Variants in ELK3 observed in about 807,000 individuals in gnomAD.
ELK3 encodes the protein ETS domain-containing protein Elk-3.
In ELK3, 10 loss-of-function variants were observed where a neutral mutation model predicts 28.9. The ratio of observed to expected loss-of-function variants is 0.35; its 90% CI spans 0.21 to 0.59. The LOEUF is 0.59. Ranked by LOEUF, ELK3 falls within the 20% of genes least tolerant of loss-of-function variation. The probability of loss-of-function intolerance (pLI) is 0.82; values close to 1 mark genes in which losing one functional copy is unlikely to be tolerated. For missense variants in ELK3, 463 were observed against 517.3 expected, an observed-to-expected ratio of 0.90 and a Z score of 1.02; for synonymous variants, 272 against 243.5, an observed-to-expected ratio of 1.12 and a Z score of -1.09.
chr12:96,216,076 CTG>C (rs1192701604), intron 1 of ELK3, among the ~76,000 whole-genome samples: 2 of 152,348 alleles, frequency 1.3e-5, no homozygotes, highest in Middle Eastern at 3.4e-3. Flanking sequence ...CCTCTCTACT[CTG>C]TGTCTTTTGC....
intron 2 of ELK3, chr12:96,224,084 A>G (rs1951682329): frequency 6.1e-6 from 2 of 325,808 alleles, no homozygotes; most frequent in Non-Finnish European, 1.2e-5. Flanking sequence ...AATTGCTTGA[A>G]TGACACAATG....
intron 1 of ELK3, among the ~76,000 whole-genome samples, chr12:96,208,848 C>G (rs1951556273): frequency 6.6e-6 from 1 of 152,128 alleles, no homozygotes; most frequent in African/African-American, 2.4e-5. Flanking sequence ...TGTTGGAGGT[C>G]CCGGGCCAGG....
intron 3 of ELK3, 60 bp from the exon 4 acceptor site, chr12:96,259,671 T>C (rs1951978366): frequency 1.3e-6 from 2 of 1,551,660 alleles, no homozygotes. Flanking sequence ...TGCTGCTCTG[T>C]TGATCATGGC....
rs1592696450 is a variant in ELK3 at position 96,268,770 on chromosome 12, C to G, written c.*1590C>G. 6.6e-6 allele frequency: 1 copy of G among 152,270 alleles called. No homozygotes were observed. The highest frequency in any genetic ancestry group is 1.5e-5 in the Non-Finnish European group (1 of 68,024). The allele number at this position is 152,270 out of a possible 1,614,324, so 9.4% of individuals were successfully genotyped here. A position where few individuals can be genotyped will look rare whatever the true frequency, so the allele number is the denominator to read the frequency against. On this transcript the variant is annotated 3_prime_UTR_variant, in exon 5 of 5. Coordinates refer to ENST00000228741, the MANE Select transcript of ELK3 (RefSeq NM_005230.4). ...AAAAAAATCTAGACTATTGCTTTGA[C>G]ACTTAGAAATTCTGAGGTTTTTCAA...
chr12:96,238,106 CTG>C (rs1423411166), intron 2 of ELK3, among the ~76,000 whole-genome samples: 1 of 152,148 alleles, frequency 6.6e-6, no homozygotes, highest in Admixed American at 6.5e-5. Context: ...CTTCTGTAAA[CTG>C]TAAAGTAAGG....
In ELK3 at chr12:96,221,783, T is replaced by A. The variant is rs1305779891; in HGVS notation, c.-2-1782T>A. Among the ~76,000 whole-genome samples the A allele has an allele frequency of 2.6e-5, 4 of 152,196 alleles. No individual in the cohort carries two copies. In the East Asian group the frequency reaches 7.7e-4, roughly 29 times the overall value. ...AGTGAAATGACTGTCTTACAGACCATTGTGGTTAATACTGATTTCTGTAAA... is the reference window on the plus strand; with the variant it reads ...AGTGAAATGACTGTCTTACAGACCAATGTGGTTAATACTGATTTCTGTAAA... On this transcript the variant is annotated intron_variant, in intron 1 of 4. Transcript: ENST00000228741.
chr12:96,197,352 A>G lies in ELK3; in HGVS notation c.-3+2647A>G, dbSNP rs554775253. 1.5e-4 allele frequency among the ~76,000 whole-genome samples: 23 copies of G among 152,314 alleles called. 2 individuals carry two copies. The highest frequency in any genetic ancestry group is 5.5e-4 in the African/African-American group (23 of 41,570). On this transcript the variant is annotated intron_variant, in intron 1 of 4. Transcript: ENST00000228741. ...CAGGGGTGCTGCTAACCAGTCAACA[A>G]TGCACAAGAAAGAATTTTTTTTGCC...
rs535846234 is a variant in ELK3, at chr12:96,216,615, A to G, written c.-2-6950A>G. ...AATGCCTTCTAGCCTGGTGAAGGCC[A>G]TGTGACTCCACAGCAAGCTCTGTGA... On this transcript the variant is annotated intron_variant, in intron 1 of 4. Coordinates refer to ENST00000228741, the MANE Select transcript of ELK3 (RefSeq NM_005230.4). 1.3e-3 allele frequency among the ~76,000 whole-genome samples: 199 copies of G among 152,344 alleles called. 1 individual carries two copies. The highest frequency in any genetic ancestry group is 1.8e-3 in the Admixed American group (28 of 15,302).
chr12:96,268,247 A>T lies in ELK3; in HGVS notation c.*1067A>T, dbSNP rs1426947235. On this transcript the variant is annotated 3_prime_UTR_variant, in exon 5 of 5. Transcript: ENST00000228741. ...GGTAGGTGTTCACAATTTTTGATGGATCAAAAACTTGCTGTAATACAAATA... is the reference window on the plus strand; with the variant it reads ...GGTAGGTGTTCACAATTTTTGATGGTTCAAAAACTTGCTGTAATACAAATA... 1.3e-5 allele frequency: 2 copies of T among 152,248 alleles called. No homozygotes were observed. The highest frequency in any genetic ancestry group is 2.4e-5 in the African/African-American group (1 of 41,468). The allele number at this position is 152,248 out of a possible 1,614,324, so 9.4% of individuals were successfully genotyped here.
At chr12:96,253,224 C>T (rs577376586) in intron 3 of ELK3, among the ~76,000 whole-genome samples, 28 of 152,344 alleles carry the variant, frequency 1.8e-4, no homozygotes, top group African/African-American at 6.0e-4. Flanking sequence ...CACGCCACCG[C>T]ACTCCAGCCT....
intron 1 of ELK3, among the ~76,000 whole-genome samples, chr12:96,199,869 A>G (rs912363580): frequency 6.6e-6 from 1 of 152,190 alleles, no homozygotes; most frequent in Non-Finnish European, 1.5e-5. Context: ...AGACAATGTT[A>G]TATTAGTGTA....
At chr12:96,250,466 C>A (rs1477740219) in intron 3 of ELK3, among the ~76,000 whole-genome samples, 1 of 152,300 alleles carries the variant, frequency 6.6e-6, no homozygotes, top group Non-Finnish European at 1.5e-5. Flanking sequence ...TTTGGACTCT[C>A]AGATTCCCTC....
At chr12:96,226,573 T>TGC (rs1227990710) in intron 2 of ELK3, among the ~76,000 whole-genome samples, 8 of 151,226 alleles carry the variant, frequency 5.3e-5, no homozygotes, top group African/African-American at 1.9e-4. Flanking sequence ...CATGCCCACA[T>TGC]GCACACACAG....
At chr12:96,265,162 T>C (rs1305404342) in intron 4 of ELK3, among the ~76,000 whole-genome samples, 1 of 152,080 alleles carries the variant, frequency 6.6e-6, no homozygotes. Flanking sequence ...TTGGGAAACG[T>C]TGCAGTTTAA....
Position 96,267,283 on chromosome 12 carries a change from A to G in ELK3, c.*103A>G, listed in dbSNP as rs772906500. ...AGAAGGACATTGTGAAACTCTTGTT[A>G]ATTTGGTTTGCACTTTTCATAACAT... On this transcript the variant is annotated 3_prime_UTR_variant, in exon 5 of 5. Coordinates refer to ENST00000228741, the MANE Select transcript of ELK3 (RefSeq NM_005230.4). The G allele has an allele frequency of 1.5e-5, 15 of 1,008,764 alleles. No individual in the cohort carries two copies. Among genetic ancestry groups the G allele is most frequent in the Middle Eastern group, 2.1e-4 (1 of 4,694 alleles). 62.5% of individuals were successfully genotyped at this position (1,008,764 alleles called of 1,614,324 possible). A position where few individuals can be genotyped will look rare whatever the true frequency, so the allele number is the denominator to read the frequency against.
At chr12:96,257,751 C>T (rs982712129) in intron 3 of ELK3, among the ~76,000 whole-genome samples, 14 of 152,298 alleles carry the variant, frequency 9.2e-5, no homozygotes, top group African/African-American at 3.4e-4. Context: ...TGGCCTTGAG[C>T]CTAACACAAC....
chr12:96,226,928 AC>A (rs1487754212), intron 2 of ELK3, among the ~76,000 whole-genome samples: 3 of 152,170 alleles, frequency 2.0e-5, no homozygotes, highest in Non-Finnish European at 4.4e-5. Context: ...GATGACGAAA[AC>A]TACACTCTAT....
At chr12:96,228,416 CAAAAAAAAAAAAAAAAA>C (rs71091236) in intron 2 of ELK3, among the ~76,000 whole-genome samples, 4 of 68,292 alleles carry the variant, frequency 5.9e-5, no homozygotes, top group African/African-American at 5.9e-5. Context: ...GACTCTGTGT[CAAAAAAAAAAAAAAAAA>C]AAAAAAAAAA....
At position 96,269,207 on chromosome 12, in the gene ELK3, GTGT is replaced by G. The variant is rs1437100441; in HGVS notation, c.*2029_*2031del. 1 of 152,108 alleles carries G rather than the reference GTGT, an allele frequency of 6.6e-6. No homozygotes were observed. Among genetic ancestry groups the G allele is most frequent in the Non-Finnish European group, 1.5e-5 (1 of 68,016 alleles). The allele number at this position is 152,108 out of a possible 1,614,324, so 9.4% of individuals were successfully genotyped here. On this transcript the variant is annotated 3_prime_UTR_variant, in exon 5 of 5. Coordinates refer to ENST00000228741, the MANE Select transcript of ELK3 (RefSeq NM_005230.4). ...TAAGTAATTACTGGTTCAAAACTAC[GTGT>G]TATTAGTAAAACAAACAAAACAGAT... is the stretch of plus-strand genomic sequence containing the variant.
Sources: gnomAD v4.1 joint callset for allele counts (sites outside exome capture counted in the v4.1 genomes callset) on GRCh38, gnomAD v4.1.1 for gene constraint, MANE v1.5 for transcripts, NCBI Gene and HGNC (gene_info 2026-07-23, HGNC 2026-07-21) for gene names.